DDX50: variants seen among roughly 807,000 people sequenced by gnomAD.
DDX50 encodes the protein DExD-box helicase 50.
In DDX50, 56 loss-of-function variants were observed where a neutral mutation model predicts 94.8. That is an observed-to-expected ratio of 0.59 (90% CI 0.48 to 0.74). DDX50 has a LOEUF of 0.74. Ranked by LOEUF, DDX50 falls within the 30% of genes least tolerant of loss-of-function variation. The pLI is 0.00. For missense variants in DDX50, 713 were observed against 881.2 expected (o/e 0.81, Z 2.42); for synonymous variants, 264 against 295.4 (o/e 0.89, Z 1.09).
rs1339189852 is a variant in DDX50, at chr10:68,934,803, T to C, written c.1406T>C (p.Val469Ala). The C allele has an allele frequency of 1.9e-6, 3 of 1,592,876 alleles. No individual in the cohort carries two copies. Among genetic ancestry groups the C allele is most frequent in the Non-Finnish European group, 2.6e-6 (3 of 1,173,388 alleles). The change falls in exon 10 of 15, where the codon GTT (valine) becomes GCT (alanine). Residue 469 changes from valine to alanine, a missense_variant. Physicochemically the swap from Val to Ala is moderately conservative, Grantham distance 64 (BLOSUM62 0). Around this residue, in one of 2 missense-constraint regions of DDX50, gnomAD observed 428 missense variants for 602.3 expected, o/e 0.71. Transcript: ENST00000373585. The surrounding 1 kb of genome is among the most constrained non-coding windows in gnomAD (Gnocchi z 4.0). ...ATTACCTTTTATAATCTTTAGGATGTTGAGTCCTATATCCATCGCTCTGGA... is the reference window on the plus strand; with the variant it reads ...ATTACCTTTTATAATCTTTAGGATGCTGAGTCCTATATCCATCGCTCTGGA... Reference protein sequence around the residue: ...LVIQSSPPQDVESYIHRSGRT... With the variant: ...LVIQSSPPQDAESYIHRSGRT...
intron 11 of DDX50, among the ~76,000 whole-genome samples, chr10:68,936,448 C>T (rs1478315305): frequency 1.6e-5 from 2 of 128,104 alleles, no homozygotes; most frequent in Non-Finnish European, 3.1e-5. Flanking sequence ...GAGAGTGCAC[C>T]ACTGCATTCC....
intron 8 of DDX50, among the ~76,000 whole-genome samples, chr10:68,923,937 C>CTTTTT (rs56820953): frequency 9.4e-5 from 4 of 42,444 alleles, no homozygotes; most frequent in East Asian, 8.7e-4. Context: ...AGATAGTCTG[C>CTTTTT]TTTTTTTTTT....
chr10:68,934,127 G>T lies in DDX50; in HGVS notation c.1240-72G>T. On this transcript the variant is annotated intron_variant, in intron 8 of 14. Coordinates refer to ENST00000373585, the MANE Select transcript of DDX50 (RefSeq NM_024045.2). The surrounding 1 kb of genome is among the most constrained non-coding windows in gnomAD (Gnocchi z 4.0). ...TTTAAAAACATGCAAAAGGAGCACA[G>T]ACTAGATGTTGTTGTGCTATCAGTT... is the stretch of plus-strand genomic sequence containing the variant. 1 of 1,425,044 alleles carries T rather than the reference G, an allele frequency of 7.0e-7. No homozygotes were observed. The highest frequency in any genetic ancestry group is 1.3e-5 in the South Asian group (1 of 74,656). The allele number at this position is 1,425,044 out of a possible 1,614,324, so 88.3% of individuals were successfully genotyped here. A position where few individuals can be genotyped will look rare whatever the true frequency, so the allele number is the denominator to read the frequency against.
At position 68,921,545 on chromosome 10, in the gene DDX50, G is replaced by A. The variant is rs540952051; in HGVS notation, c.1239+1564G>A. Reference sequence around the variant, plus strand: ...ACTACTTCATAGGTGGTGTACTTCCGGCAGGAGGTATATATGTCTAGTTCT... The same window carrying A: ...ACTACTTCATAGGTGGTGTACTTCCAGCAGGAGGTATATATGTCTAGTTCT... On this transcript the variant is annotated intron_variant, in intron 8 of 14. Transcript: ENST00000373585. 1.5e-4 allele frequency among the ~76,000 whole-genome samples: 23 copies of A among 152,150 alleles called. No individual in the cohort carries two copies. In the South Asian group the frequency reaches 3.7e-3, roughly 25 times the overall value.
intron 8 of DDX50, among the ~76,000 whole-genome samples, chr10:68,932,300 C>T (rs549014151): frequency 1.3e-5 from 2 of 152,312 alleles, no homozygotes; most frequent in Admixed American, 1.3e-4. Context: ...CACTCTGCCA[C>T]CCAGGCTAGA....
chr10:68,929,672 C>T (rs1247159371), intron 8 of DDX50, among the ~76,000 whole-genome samples: 3 of 151,644 alleles, frequency 2.0e-5, no homozygotes, highest in African/African-American at 4.8e-5. Context: ...GATCCGCCCA[C>T]CTTGCTCTCC....
At chr10:68,924,577 T>C (rs1246311276) in intron 8 of DDX50, among the ~76,000 whole-genome samples, 5 of 152,222 alleles carry the variant, frequency 3.3e-5, no homozygotes, top group Non-Finnish European at 5.9e-5. Context: ...GTGAGAATAC[T>C]TCTGGCGTCA....
chr10:68,904,869 C>T (rs967231365), intron 1 of DDX50, among the ~76,000 whole-genome samples: 1 of 152,188 alleles, frequency 6.6e-6, no homozygotes, highest in South Asian at 2.1e-4. Context: ...AGCATTTTCA[C>T]ACATATTGTT....
intron 13 of DDX50, among the ~76,000 whole-genome samples, chr10:68,942,298 GATGTT>G (rs1421868460): frequency 2.0e-5 from 3 of 152,270 alleles, no homozygotes; most frequent in East Asian, 3.9e-4. Flanking sequence ...TTTGAAAAAT[GATGTT>G]ATGTTATTAA....
In DDX50 at chr10:68,946,755, ATT is replaced by A; in HGVS notation, c.*131_*132del. The A allele has an allele frequency of 7.9e-7, 1 of 1,264,268 alleles. No homozygotes were observed. Among genetic ancestry groups the A allele is most frequent in the Non-Finnish European group, 1.1e-6 (1 of 925,646 alleles). The allele number at this position is 1,264,268 out of a possible 1,614,324, so 78.3% of individuals were successfully genotyped here. On this transcript the variant is annotated 3_prime_UTR_variant, in exon 15 of 15. Coordinates refer to ENST00000373585, the MANE Select transcript of DDX50 (RefSeq NM_024045.2). ...TGCTATTTGCAAAGAAGTTGGTCGT[ATT>A]TTTTTAAAAAGTATTTCACAAGAAT...
intron 8 of DDX50, among the ~76,000 whole-genome samples, chr10:68,926,820 A>C (rs1256109048): frequency 6.6e-6 from 1 of 150,652 alleles, no homozygotes; most frequent in Non-Finnish European, 1.5e-5. Flanking sequence ...TTTGGAAAAA[A>C]AAATTATTCA....
intron 8 of DDX50, among the ~76,000 whole-genome samples, chr10:68,920,758 C>T (rs1027149399): frequency 6.6e-6 from 1 of 151,568 alleles, no homozygotes; most frequent in East Asian, 1.9e-4. Context: ...CCAGCCTGGT[C>T]AACATGTTGA....
At position 68,937,073 on chromosome 10, in the gene DDX50, G is replaced by A. The variant is rs752621338; in HGVS notation, c.1733G>A (p.Arg578Gln). Residue 578 changes from arginine to glutamine, a missense_variant, in exon 12 of 15, where the codon CGA becomes CAA. Arg to Gln is a conservative substitution (Grantham distance 43). Coordinates refer to ENST00000373585, the MANE Select transcript of DDX50 (RefSeq NM_024045.2). ...HISGASSFEP[R>Q]SLITSDKGFV... ...TCTGGTGCATCAAGCTTTGAACCAC[G>A]ATCTTTGATCACCTCTGATAAGGTA... 3.1e-6 allele frequency: 5 copies of A among 1,612,850 alleles called. No homozygotes were observed. The highest frequency in any genetic ancestry group is 2.2e-5 in the East Asian group (1 of 44,862).
In DDX50 at chr10:68,934,823, T is replaced by C; in HGVS notation, c.1426T>C (p.Ser476Pro). Residue 476 changes from serine (S) to proline (P), a missense_variant, in exon 10 of 15, where the codon TCT becomes CCT. This residue lies in a region of DDX50 where 428 missense variants were observed against 602.3 expected (regional missense o/e 0.71). Transcript: ENST00000373585. This position sits in a 1 kb window ranked among gnomAD's most constrained non-coding sequence, Gnocchi z 4.0. ...PQDVESYIHR[S>P]GRTGRAGRTG... ...GGATGTTGAGTCCTATATCCATCGCTCTGGACGCACAGGTAGAGCTGGACG... is the reference window on the plus strand; with the variant it reads ...GGATGTTGAGTCCTATATCCATCGCCCTGGACGCACAGGTAGAGCTGGACG... 6.2e-7 allele frequency: 1 copy of C among 1,612,136 alleles called. No homozygotes were observed. Among genetic ancestry groups the C allele is most frequent in the East Asian group, 2.2e-5 (1 of 44,806 alleles).
chr10:68,912,636 C>T lies in DDX50; in HGVS notation c.640-526C>T, dbSNP rs553575753. ...CTCTGAGACACAAGTCTCTCATTTA[C>T]GAAAATGGTGGCATAATGCCACTCA... On this transcript the variant is annotated intron_variant, in intron 4 of 14. Coordinates refer to ENST00000373585, the MANE Select transcript of DDX50 (RefSeq NM_024045.2). Among the ~76,000 whole-genome samples, 6 of 152,310 alleles carry T rather than the reference C, an allele frequency of 3.9e-5. No individual in the cohort carries two copies. The East Asian group carries it at 1.2e-3, about 29-fold the overall frequency.
intron 7 of DDX50, 146 bp downstream of exon 7, chr10:68,914,350 G>A (rs1415344406): frequency 1.2e-6 from 1 of 850,264 alleles, no homozygotes; most frequent in African/African-American, 1.8e-5. Flanking sequence ...TATTTTTATA[G>A]TCTGAGACTG....
chr10:68,908,420 C>T lies in DDX50; in HGVS notation c.384+1413C>T, dbSNP rs182075839. Among the ~76,000 whole-genome samples, 217 of 129,376 alleles carry T rather than the reference C, an allele frequency of 1.7e-3. 2 individuals are homozygous for T. Among genetic ancestry groups the T allele is most frequent in the African/African-American group, 6.1e-3 (209 of 34,104 alleles). 84.9% of individuals were successfully genotyped at this position (129,376 alleles called of 152,430 possible). A position where few individuals can be genotyped will look rare whatever the true frequency, so the allele number is the denominator to read the frequency against. On this transcript the variant is annotated intron_variant, in intron 2 of 14. Coordinates refer to ENST00000373585, the MANE Select transcript of DDX50 (RefSeq NM_024045.2). Reference sequence around the variant, plus strand: ...GAGCCGAGATTGCACCATTGCACTCCAGCCTGGTCAACAAGAGCGAAACTC... The same window carrying T: ...GAGCCGAGATTGCACCATTGCACTCTAGCCTGGTCAACAAGAGCGAAACTC...
At chr10:68,907,078 A>G in intron 2 of DDX50, 71 bp downstream of exon 2, 1 of 1,402,698 alleles carries the variant, frequency 7.1e-7, no homozygotes, top group Non-Finnish European at 9.7e-7. Context: ...TTTTTAGGCT[A>G]ATTAGAATTG....
chr10:68,913,549 GA>G lies in DDX50; in HGVS notation c.917del (p.Asp306ValfsTer36). 6.2e-7 allele frequency: 1 copy of G among 1,613,268 alleles called. No homozygotes were observed. Among genetic ancestry groups the G allele is most frequent in the Non-Finnish European group, 8.5e-7 (1 of 1,179,764 alleles). ...LDLGFAEQVE[D>X]IIHESYKTDS... ...TTTAGGTTTCGCTGAACAAGTTGAA[GA>G]TATTATTCATGAATCCTACAAAACT... is the stretch of plus-strand genomic sequence containing the variant. On this transcript the variant is annotated frameshift_variant, in exon 6 of 15. Coordinates refer to ENST00000373585, the MANE Select transcript of DDX50 (RefSeq NM_024045.2). LOFTEE classifies it high-confidence loss of function.
Sources: allele counts gnomAD v4.1 joint callset (sites outside exome capture counted in the v4.1 genomes callset), GRCh38; gene constraint gnomAD v4.1.1; regional missense constraint gnomAD v4.1.1; non-coding constraint Gnocchi (gnomAD v3.1); transcripts MANE v1.5; gene names NCBI Gene and HGNC (gene_info 2026-07-23, HGNC 2026-07-21).